The following PROM1 variants were observed in gnomAD, a reference collection of about 807,000 sequenced individuals.
PROM1 encodes prominin-1.
PROM1 carries 105 observed loss-of-function variants against 116.9 expected under a neutral mutation model. The observed-to-expected ratio is 0.90, with a 90% CI of 0.77 to 1.06. The LOEUF (loss-of-function observed/expected upper bound fraction) is 1.06. Ranked by LOEUF, PROM1 falls within the 50% of genes least tolerant of loss-of-function variation. The pLI is 0.00. For synonymous variants in PROM1, 393 were observed against 387.0 expected, an observed-to-expected ratio of 1.02 and a Z score of -0.18; for missense variants, 1,122 against 1,045.2, an observed-to-expected ratio of 1.07 and a Z score of -1.01.
rs753877858 is a variant in PROM1 at position 15,992,262 on chromosome 4, T to C, written c.1897A>G (p.Ser633Gly). 5.6e-6 allele frequency: 9 copies of C among 1,613,908 alleles called. No homozygotes were observed. Among genetic ancestry groups the C allele is most frequent in the Non-Finnish European group, 6.8e-6 (8 of 1,179,852 alleles). ...ACGIDRMNYD[S>G]YLAQTGKSPA... The stretch of plus-strand genomic sequence containing the variant: ...ATGCGCCATACCTGAGCCAAGTAGC[T>C]GTCATAATTCATTCTGTCTATTCCA... The change falls in exon 17 of 28, where the codon AGC becomes GGC. Residue 633 changes from serine (S) to glycine (G), a missense_variant. Coordinates refer to ENST00000447510, the MANE Select transcript of PROM1 (RefSeq NM_006017.3).
intron 2 of PROM1, among the ~76,000 whole-genome samples, chr4:16,068,581 T>A (rs1194068331): frequency 6.6e-6 from 1 of 152,242 alleles, no homozygotes; most frequent in African/African-American, 2.4e-5. Context: ...CAGCCCTTTT[T>A]CTGAATATTA....
chr4:16,048,574 CT>C (rs201705717), intron 2 of PROM1, among the ~76,000 whole-genome samples: 21 of 151,286 alleles, frequency 1.4e-4, no homozygotes, highest in Non-Finnish European at 2.7e-4. Context: ...GGAGGTCTCC[CT>C]TTTTTTTTAT....
At chr4:16,050,097 C>T (rs1737502225) in intron 2 of PROM1, among the ~76,000 whole-genome samples, 1 of 151,972 alleles carries the variant, frequency 6.6e-6, no homozygotes, top group Non-Finnish European at 1.5e-5. Context: ...CCCGTCTCTA[C>T]TAAAAATACA....
At position 16,009,063 on chromosome 4, in the gene PROM1, A is replaced by G; in HGVS notation, c.1187T>C (p.Val396Ala). The G allele has an allele frequency of 6.2e-7, 1 of 1,611,676 alleles. No homozygotes were observed. The highest frequency in any genetic ancestry group is 1.1e-5 in the South Asian group (1 of 90,972). Residue 396 changes from valine to alanine, a missense_variant, in exon 12 of 28, where the codon GTA becomes GCA. Physicochemically the swap from Val to Ala is moderately conservative, Grantham distance 64 (BLOSUM62 0). Coordinates refer to ENST00000447510, the MANE Select transcript of PROM1 (RefSeq NM_006017.3). ...LNSIGSDIDN[V>A]TQRLPIQDIL... The stretch of plus-strand genomic sequence containing the variant: ...ATCCTGAATAGGAAGACGCTGAGTT[A>G]CATTGTCGATATCTGAACCAATGGA...
At chr4:15,999,466 G>A (rs1312784800) in intron 14 of PROM1, among the ~76,000 whole-genome samples, 1 of 149,554 alleles carries the variant, frequency 6.7e-6, no homozygotes, top group Non-Finnish European at 1.5e-5. Context: ...GTGAGACTCC[G>A]TCTTAAAAAA....
intron 15 of PROM1, among the ~76,000 whole-genome samples, chr4:15,996,984 C>T (rs920291968): frequency 1.3e-5 from 2 of 152,030 alleles, no homozygotes; most frequent in South Asian, 2.1e-4. Flanking sequence ...TCCGGCCCTT[C>T]GGTCTCACAG....
intron 26 of PROM1, 25 bp from the exon 27 acceptor site, chr4:15,971,107 T>C: frequency 6.5e-7 from 1 of 1,546,956 alleles, no homozygotes; most frequent in Non-Finnish European, 8.7e-7. Context: ...AATAAAGAAA[T>C]ATAATACCCC....
intron 12 of PROM1, among the ~76,000 whole-genome samples, chr4:16,008,193 G>C (rs1339138313): frequency 1.3e-5 from 2 of 152,178 alleles, no homozygotes; most frequent in Non-Finnish European, 2.9e-5. Context: ...CCATGGGCTT[G>C]GGAGATATAA....
chr4:15,987,657 C>G lies in PROM1; in HGVS notation c.2130+6G>C. 3 of 1,608,460 alleles carry G rather than the reference C, an allele frequency of 1.9e-6. No homozygotes were observed. Among genetic ancestry groups the G allele is most frequent in the Non-Finnish European group, 2.5e-6 (3 of 1,177,616 alleles). On this transcript the variant is annotated splice_donor_region_variant and intron_variant, in intron 20 of 27. Coordinates refer to ENST00000447510, the MANE Select transcript of PROM1 (RefSeq NM_006017.3). ...CCCCATGACAGAAAACAAAGTAAAC[C>G]CTTACCAACAATCCATTCCCTGTGC...
intron 1 of PROM1, among the ~76,000 whole-genome samples, chr4:16,080,860 C>T (rs1309046946): frequency 6.6e-6 from 1 of 152,150 alleles, no homozygotes; most frequent in Non-Finnish European, 1.5e-5. Context: ...TTCATTCCAG[C>T]AATGATGGCA....
intron 2 of PROM1, among the ~76,000 whole-genome samples, chr4:16,062,013 C>G (rs368860021): frequency 3.9e-5 from 6 of 151,962 alleles, no homozygotes; most frequent in African/African-American, 1.4e-4. Flanking sequence ...TGCCTCAGCC[C>G]CCGGAGTAGC....
Position 15,984,359 on chromosome 4 carries a change from G to C in PROM1, c.2281-4C>G. 2 of 1,561,550 alleles carry C rather than the reference G, an allele frequency of 1.3e-6. No individual in the cohort carries two copies. The highest frequency in any genetic ancestry group is 1.4e-5 in the African/African-American group (1 of 73,276). On this transcript the variant is annotated splice_region_variant and splice_polypyrimidine_tract_variant and intron_variant, in intron 22 of 27. Coordinates refer to ENST00000447510, the MANE Select transcript of PROM1 (RefSeq NM_006017.3). ...ACGATGCCACTTTCTCACTGATCTA[G>C]GGGGGTGGAAACACAGGGAAACTTT...
intron 2 of PROM1, among the ~76,000 whole-genome samples, chr4:16,067,349 T>C (rs1741775232): frequency 1.3e-5 from 2 of 152,214 alleles, no homozygotes; most frequent in Non-Finnish European, 2.9e-5. Context: ...GAAGCCTGCC[T>C]GGATTCAAAC....
In PROM1 at chr4:16,024,299, C is replaced by G; in HGVS notation, c.690G>C (p.Leu230=). 1 of 1,612,844 alleles carries G rather than the reference C, an allele frequency of 6.2e-7. No homozygotes were observed. The highest frequency in any genetic ancestry group is 8.5e-7 in the Non-Finnish European group (1 of 1,179,090). The change falls in exon 7 of 28, where the codon CTG becomes CTC. Residue 230 remains leucine, a synonymous_variant. Transcript: ENST00000447510. ...GCAACTTTAAATTTTACTCACTGTT[C>G]AGATCTGTGAACGCCTTGTCCTTGG... ...NTTKDKAFTD[L]NSINSVLGGG...
chr4:15,977,396 T>C (rs931742317), intron 26 of PROM1, among the ~76,000 whole-genome samples: 27 of 152,166 alleles, frequency 1.8e-4, no homozygotes, highest in African/African-American at 6.3e-4. Context: ...TCCATATATA[T>C]AAGACACCCT....
chr4:15,973,216 T>A (rs760046925), intron 26 of PROM1, among the ~76,000 whole-genome samples: 1 of 152,142 alleles, frequency 6.6e-6, no homozygotes, highest in African/African-American at 2.4e-5. Context: ...ATCTAGCAAT[T>A]TGGGTAGATC....
chr4:16,032,959 C>T (rs1054557329), intron 5 of PROM1, among the ~76,000 whole-genome samples: 2 of 152,208 alleles, frequency 1.3e-5, no homozygotes, highest in South Asian at 2.1e-4. Context: ...TTTCTGCATG[C>T]TGCCTGCCTG....
intron 1 of PROM1, among the ~76,000 whole-genome samples, chr4:16,081,612 T>A (rs1745064947): frequency 6.6e-6 from 1 of 152,172 alleles, no homozygotes; most frequent in Non-Finnish European, 1.5e-5. Context: ...AAGAAGTCCT[T>A]TATCTGATAA....
At chr4:16,044,343 G>C (rs1736019260) in intron 2 of PROM1, among the ~76,000 whole-genome samples, 2 of 152,216 alleles carry the variant, frequency 1.3e-5, no homozygotes, top group Admixed American at 1.3e-4. Flanking sequence ...GTTTGCAGTA[G>C]ATTTATCAGA....
Sources: gnomAD v4.1 joint callset for allele counts (sites outside exome capture counted in the v4.1 genomes callset) on GRCh38, gnomAD v4.1.1 for gene constraint, MANE v1.5 for transcripts, NCBI Gene and HGNC (gene_info 2026-07-23, HGNC 2026-07-21) for gene names.